Variants in LRRC37A observed in about 807,000 individuals in gnomAD.
The protein encoded by LRRC37A is leucine rich repeat containing 37A.
A neutral mutation model predicts 35.4 loss-of-function variants in LRRC37A; 3 were observed. The observed-to-expected ratio is 0.08, with a 90% CI of 0.04 to 0.22. LRRC37A has a LOEUF of 0.22. Ranked by LOEUF, LRRC37A falls within the 10% of genes least tolerant of loss-of-function variation. The pLI is 1.00. For missense variants in LRRC37A, 67 were observed against 565.3 expected, an observed-to-expected ratio of 0.12 and a Z score of 8.94; for synonymous variants, 23 against 215.0, an observed-to-expected ratio of 0.11 and a Z score of 7.81.
upstream of LRRC37A, among the ~76,000 whole-genome samples, chr17:46,289,027 T>C (rs1469258908): frequency 6.6e-6 from 1 of 152,166 alleles, no homozygotes; most frequent in African/African-American, 2.4e-5. Context: ...AATATGCATT[T>C]TGCCATACTT....
At chr17:46,267,588 C>T in the LRRC37A span, 1 of 1,608,730 alleles carries the variant, frequency 6.2e-7, no homozygotes, top group Non-Finnish European at 8.5e-7. Flanking sequence ...GGTGCCACAG[C>T]CCGGGCTGTG....
At chr17:46,291,620 T>A (rs1326597279), upstream of LRRC37A, among the ~76,000 whole-genome samples, 1 of 151,504 alleles carries the variant, frequency 6.6e-6, no homozygotes, top group Non-Finnish European at 1.5e-5. Context: ...AAATGTGTAA[T>A]ATGAAAAAAA....
the LRRC37A span, among the ~76,000 whole-genome samples, chr17:46,284,706 T>G: frequency 6.6e-6 from 1 of 152,212 alleles, no homozygotes; most frequent in Admixed American, 6.5e-5. Flanking sequence ...GGGTTCAAAG[T>G]GTGGAATCAT....
the LRRC37A span, among the ~76,000 whole-genome samples, chr17:46,271,332 A>ATT: frequency 6.3e-3 from 787 of 125,596 alleles, 10 homozygotes; most frequent in African/African-American, 0.016. Flanking sequence ...TACCTAGCTA[A>ATT]TTTTTTTTTT....
the LRRC37A span, among the ~76,000 whole-genome samples, chr17:46,270,841 AGT>A: frequency 6.6e-6 from 1 of 152,232 alleles, no homozygotes; most frequent in African/African-American, 2.4e-5. Flanking sequence ...CAGAGGTTGC[AGT>A]GAGCCGAGAT....
rs945717165 is a variant in LRRC37A at position 46,314,406 on chromosome 17, G to C, written c.2907-7916G>C. ...TTTGCATCAATTCTTATAATCGTGT[G>C]AGATGTAGGGGGTCCACCTTCATTA... On this transcript the variant is annotated intron_variant, in intron 5 of 13. Coordinates refer to ENST00000320254, the Ensembl canonical transcript of LRRC37A. Among the ~76,000 whole-genome samples the C allele has an allele frequency of 1.6e-4, 12 of 74,872 alleles. 5 individuals are homozygous for C. Among genetic ancestry groups the C allele is most frequent in the Admixed American group, 5.8e-4 (4 of 6,864 alleles). The allele number at this position is 74,872 out of a possible 152,430, so 49.1% of individuals were successfully genotyped here. A position where few individuals can be genotyped will look rare whatever the true frequency, so the allele number is the denominator to read the frequency against.
At chr17:46,248,193 C>T in the LRRC37A span, among the ~76,000 whole-genome samples, 13 of 151,800 alleles carry the variant, frequency 8.6e-5, no homozygotes, top group African/African-American at 1.7e-4. Context: ...TATTTTCACC[C>T]TGTTGCGTTT....
the LRRC37A span, among the ~76,000 whole-genome samples, chr17:46,250,238 A>C: frequency 6.6e-6 from 1 of 152,218 alleles, no homozygotes; most frequent in African/African-American, 2.4e-5. Flanking sequence ...GCCACCTCTG[A>C]TAGTTTTCAT....
chr17:46,287,937 C>G (rs571758215), upstream of LRRC37A, among the ~76,000 whole-genome samples: 1 of 152,194 alleles, frequency 6.6e-6, no homozygotes, highest in African/African-American at 2.4e-5. Flanking sequence ...TTGATAGGCA[C>G]AGTGTAGGAA....
At chr17:46,259,431 G>A in the LRRC37A span, 6 of 997,674 alleles carry the variant, frequency 6.0e-6, no homozygotes, top group East Asian at 1.3e-4. Flanking sequence ...TGATGGGCCT[G>A]GGCCCATGCC....
intron 7 of LRRC37A, among the ~76,000 whole-genome samples, chr17:46,326,821 T>C (rs1467939545): frequency 8.0e-5 from 4 of 50,080 alleles, no homozygotes; most frequent in Non-Finnish European, 1.9e-4. Context: ...CATGCTATAC[T>C]GCCTAAGATT....
At chr17:46,269,303 G>A in the LRRC37A span, among the ~76,000 whole-genome samples, 2 of 152,190 alleles carry the variant, frequency 1.3e-5, no homozygotes, top group Non-Finnish European at 2.9e-5. Context: ...AGAGGCCGAG[G>A]CGGGTGGATC....
At chr17:46,278,972 AT>A in the LRRC37A span, among the ~76,000 whole-genome samples, 1 of 151,658 alleles carries the variant, frequency 6.6e-6, no homozygotes. Context: ...TAATTTTTGT[AT>A]TTTTAGTACA....
chr17:46,265,484 C>CTTTTTTTT, the LRRC37A span, among the ~76,000 whole-genome samples: 13,040 of 136,570 alleles, frequency 0.095, no homozygotes, highest in Non-Finnish European at 0.15. Flanking sequence ...CTTCTTCTTT[C>CTTTTTTTT]TTTTTTTTTC....
the LRRC37A span, among the ~76,000 whole-genome samples, chr17:46,283,280 GA>G: frequency 6.6e-6 from 1 of 152,216 alleles, no homozygotes; most frequent in East Asian, 1.9e-4. Flanking sequence ...TGAGACTTCT[GA>G]AAAAACTTCA....
At chr17:46,263,137 C>G in the LRRC37A span, among the ~76,000 whole-genome samples, 1 of 152,178 alleles carries the variant, frequency 6.6e-6, no homozygotes, top group Non-Finnish European at 1.5e-5. Context: ...CACCTGAGTC[C>G]CGCGAGGTCA....
chr17:46,265,178 C>T, the LRRC37A span, among the ~76,000 whole-genome samples: 3 of 152,122 alleles, frequency 2.0e-5, no homozygotes, highest in Non-Finnish European at 2.9e-5. Context: ...GGTAGATTAA[C>T]CCACCTCCTT....
intron 5 of LRRC37A, among the ~76,000 whole-genome samples, chr17:46,317,149 G>T (rs1181382353): frequency 1.1e-5 from 1 of 89,226 alleles, no homozygotes; most frequent in African/African-American, 3.0e-5. Context: ...ATGGGGTGGC[G>T]GCCGGGCAGA....
chr17:46,284,800 T>C, the LRRC37A span, among the ~76,000 whole-genome samples: 2 of 152,266 alleles, frequency 1.3e-5, no homozygotes, highest in African/African-American at 4.8e-5. Flanking sequence ...ATTCCCTTTT[T>C]AGTTTCTTCA....
Sources: gnomAD v4.1 joint callset for allele counts (sites outside exome capture counted in the v4.1 genomes callset) on GRCh38, gnomAD v4.1.1 for gene constraint, MANE v1.5 for transcripts, NCBI Gene and HGNC (gene_info 2026-07-23, HGNC 2026-07-21) for gene names.